NDP: variants seen among roughly 807,000 people sequenced by gnomAD.
The protein encoded by NDP is norrin cystine knot growth factor NDP, also known as norrin.
In NDP, 2 loss-of-function variants were observed where a neutral mutation model predicts 8.4. That is an observed-to-expected ratio of 0.24 (90% CI 0.10 to 0.75). The LOEUF (loss-of-function observed/expected upper bound fraction) is 0.75. Ranked by LOEUF, NDP falls within the 30% of genes least tolerant of loss-of-function variation. NDP has a pLI of 0.73. For synonymous variants in NDP, 55 were observed against 45.6 expected (o/e 1.21, Z -0.83); for missense variants, 81 against 110.1 (o/e 0.74, Z 1.18).
intron 1 of NDP, among the ~76,000 whole-genome samples, chrX:43,971,810 T>A (rs1470685597): frequency 8.9e-6 from 1 of 112,099 alleles, no homozygotes; most frequent in African/African-American, 3.2e-5. Context: ...AGATTTTCAT[T>A]CAGCGATGCT....
rs142114633 is a variant in NDP, at chrX:43,954,059, C to T, written c.175-4033G>A. Among the ~76,000 whole-genome samples, 69 of 112,304 alleles carry T rather than the reference C, an allele frequency of 6.1e-4. 1 individual carries two copies. The East Asian group carries it at 0.015, about 24-fold the overall frequency. ...GTCCCACCCTAGAAGAGCATTTTTGCGATTTTACTCCGACAGAGTGGAAAA... is the reference window on the plus strand; with the variant it reads ...GTCCCACCCTAGAAGAGCATTTTTGTGATTTTACTCCGACAGAGTGGAAAA... On this transcript the variant is annotated intron_variant, in intron 2 of 2. Coordinates refer to ENST00000642620, the MANE Select transcript of NDP (RefSeq NM_000266.4).
intron 1 of NDP, among the ~76,000 whole-genome samples, chrX:43,963,814 G>A (rs2035840963): frequency 8.9e-6 from 1 of 112,577 alleles, no homozygotes; most frequent in Admixed American, 9.4e-5. Flanking sequence ...TAAACAGCAT[G>A]TTGGATTTTA....
chrX:43,964,804 G>C (rs1413402844), intron 1 of NDP, among the ~76,000 whole-genome samples: 1 of 111,801 alleles, frequency 8.9e-6, no homozygotes, highest in East Asian at 2.8e-4. Flanking sequence ...GAACAGATTG[G>C]TCTAAATGCT....
At chrX:43,953,481 A>G (rs760635093) in intron 2 of NDP, 1 of 112,515 alleles carries the variant, frequency 8.9e-6, no homozygotes, top group South Asian at 3.7e-4. Context: ...TGTCAGTCCT[A>G]CTGGGCTGGT....
At chrX:43,968,198 G>A (rs765875350) in intron 1 of NDP, among the ~76,000 whole-genome samples, 1 of 111,442 alleles carries the variant, frequency 9.0e-6, no homozygotes, top group Non-Finnish European at 1.9e-5. Context: ...AGGGTTTCAC[G>A]TTCTTACTGT....
intron 1 of NDP, among the ~76,000 whole-genome samples, chrX:43,963,583 A>C (rs1410343550): frequency 8.9e-6 from 1 of 112,362 alleles, no homozygotes; most frequent in Non-Finnish European, 1.9e-5. Flanking sequence ...CAAAAACATC[A>C]AAGATTTATA....
chrX:43,956,634 G>A (rs1044883473), intron 2 of NDP, among the ~76,000 whole-genome samples: 3 of 111,946 alleles, frequency 2.7e-5, no homozygotes, highest in African/African-American at 9.7e-5. Flanking sequence ...GATTTTGCCA[G>A]GCATATTTTA....
rs923076413 is a variant in NDP, at chrX:43,948,927, G to T, written c.*872C>A. ...CATGGACAAGTGGATATTAGAGAAT[G>T]ATGCCCGTGACACGGCTAAAGCTAT... On this transcript the variant is annotated 3_prime_UTR_variant, in exon 3 of 3. Coordinates refer to ENST00000642620, the MANE Select transcript of NDP (RefSeq NM_000266.4). The T allele has an allele frequency of 8.9e-5, 10 of 112,044 alleles. No homozygotes were observed. Among genetic ancestry groups the T allele is most frequent in the African/African-American group, 3.2e-4 (10 of 30,835 alleles). 9.2% of individuals were successfully genotyped at this position (112,044 alleles called of 1,213,427 possible). A position where few individuals can be genotyped will look rare whatever the true frequency, so the allele number is the denominator to read the frequency against.
Position 43,958,675 on chromosome X carries a change from C to A in NDP, c.-30G>T. The A allele has an allele frequency of 8.4e-7, 1 of 1,189,073 alleles. No homozygotes were observed. The highest frequency in any genetic ancestry group is 1.1e-6 in the Non-Finnish European group (1 of 875,368). On this transcript the variant is annotated 5_prime_UTR_variant, in exon 2 of 3. Transcript: ENST00000642620. ...GTAAGGAAAAACTTCTCTAGAAGAA[C>A]AGCAGAGGGAGGCAGAGGACAAAAA... is the stretch of plus-strand genomic sequence containing the variant.
intron 1 of NDP, chrX:43,966,694 T>C (rs920470962): frequency 8.9e-6 from 1 of 112,172 alleles, no homozygotes; most frequent in African/African-American, 3.2e-5. Context: ...GGCTGTGGTA[T>C]GGCCTCAGGA....
At chrX:43,953,538 G>A (rs2035774545) in intron 2 of NDP, 1 of 112,511 alleles carries the variant, frequency 8.9e-6, no homozygotes, top group Non-Finnish European at 1.9e-5. Context: ...AAGTTTGAGG[G>A]CTGTGCTCTA....
At chrX:43,970,309 GC>G (rs1222959430) in intron 1 of NDP, among the ~76,000 whole-genome samples, 1 of 111,793 alleles carries the variant, frequency 8.9e-6, no homozygotes, top group Non-Finnish European at 1.9e-5. Context: ...CTGGCTGCTG[GC>G]CTAGTGCAGA....
At chrX:43,950,300 G>A (rs763069488) in intron 2 of NDP, among the ~76,000 whole-genome samples, 6 of 110,133 alleles carry the variant, frequency 5.4e-5, no homozygotes, top group African/African-American at 1.7e-4. Context: ...ACTGAATGAC[G>A]CCCATCACTG....
At chrX:43,954,696 G>A (rs977819357) in intron 2 of NDP, 3 of 111,005 alleles carry the variant, frequency 2.7e-5, no homozygotes, top group Non-Finnish European at 3.8e-5. Context: ...AAGATGGCTT[G>A]GGGGTCCTGT....
chrX:43,971,936 G>A (rs979780386), intron 1 of NDP, among the ~76,000 whole-genome samples: 11 of 111,733 alleles, frequency 9.8e-5, no homozygotes, highest in African/African-American at 3.3e-4. Flanking sequence ...AGACTGATGA[G>A]AAGAAAATGA....
At chrX:43,963,558 C>G (rs1399432343) in intron 1 of NDP, among the ~76,000 whole-genome samples, 1 of 112,162 alleles carries the variant, frequency 8.9e-6, no homozygotes, top group Non-Finnish European at 1.9e-5. Flanking sequence ...CATAAAGCCT[C>G]TATCAAAGAA....
At position 43,956,744 on chromosome X, in the gene NDP, G is replaced by T. The variant is rs191487661; in HGVS notation, c.174+1728C>A. Among the ~76,000 whole-genome samples, 5 of 112,061 alleles carry T rather than the reference G, an allele frequency of 4.5e-5. No homozygotes were observed. In the East Asian group the frequency reaches 1.4e-3, roughly 31 times the overall value. On this transcript the variant is annotated intron_variant, in intron 2 of 2. Coordinates refer to ENST00000642620, the MANE Select transcript of NDP (RefSeq NM_000266.4). Reference sequence around the variant, plus strand: ...ATGTTTGAAAACAGATTGTTCCCATGAAATTACAAACATTTCTCCTGCTAT... The same window carrying T: ...ATGTTTGAAAACAGATTGTTCCCATTAAATTACAAACATTTCTCCTGCTAT...
intron 2 of NDP, among the ~76,000 whole-genome samples, chrX:43,952,185 T>C (rs1422981985): frequency 1.8e-5 from 2 of 111,268 alleles, no homozygotes; most frequent in Non-Finnish European, 1.9e-5. Context: ...GACTATGCCA[T>C]AGGTCAGTAG....
Position 43,957,874 on chromosome X carries a change from A to T in NDP, c.174+598T>A, listed in dbSNP as rs752295563. On this transcript the variant is annotated intron_variant, in intron 2 of 2. Coordinates refer to ENST00000642620, the MANE Select transcript of NDP (RefSeq NM_000266.4). The stretch of plus-strand genomic sequence containing the variant: ...CACTCTTGGTGGCCTTTTAAGCATG[A>T]TATTCCCTTGCACACCACTGAGGCA... Among the ~76,000 whole-genome samples, 3 of 105,863 alleles carry T rather than the reference A, an allele frequency of 2.8e-5. No individual in the cohort carries two copies. The East Asian group carries it at 8.8e-4, about 31-fold the overall frequency. The allele number at this position is 105,863 out of a possible 115,157, so 91.9% of individuals were successfully genotyped here.
Sources: allele counts gnomAD v4.1 joint callset (sites outside exome capture counted in the v4.1 genomes callset), GRCh38; gene constraint gnomAD v4.1.1; transcripts MANE v1.5; gene names NCBI Gene and HGNC (gene_info 2026-07-23, HGNC 2026-07-21).